Variants in SCD5 observed in about 807,000 individuals in gnomAD.
SCD5 encodes acyl-CoA-desaturase 4.
SCD5 carries 20 observed loss-of-function variants against 30.4 expected under a neutral mutation model. That is an observed-to-expected ratio of 0.66 (90% CI 0.46 to 0.96). The LOEUF is 0.96. Ranked by LOEUF, SCD5 falls within the 40% of genes least tolerant of loss-of-function variation. SCD5 has a pLI of 0.00. For synonymous variants in SCD5, 173 were observed against 176.4 expected (o/e 0.98, Z 0.16); for missense variants, 381 against 443.3 (o/e 0.86, Z 1.26).
At chr4:82,765,375 T>C (rs1477724406) in intron 1 of SCD5, among the ~76,000 whole-genome samples, 1 of 152,170 alleles carries the variant, frequency 6.6e-6, no homozygotes, top group Non-Finnish European at 1.5e-5. Context: ...CTTGTTTTTT[T>C]CCTCTGTCTA....
intron 3 of SCD5, 49 bp downstream of exon 3, chr4:82,680,658 T>G: frequency 6.4e-7 from 1 of 1,566,816 alleles, no homozygotes; most frequent in East Asian, 2.2e-5. Flanking sequence ...GTGCTGTTTC[T>G]ATGTCCTGGC....
At chr4:82,758,789 C>T (rs1721283980) in intron 1 of SCD5, among the ~76,000 whole-genome samples, 1 of 152,092 alleles carries the variant, frequency 6.6e-6, no homozygotes, top group South Asian at 2.1e-4. Context: ...CCGGCACCCG[C>T]GGAGCTCAGG....
At chr4:82,765,496 C>T (rs1487496543) in intron 1 of SCD5, among the ~76,000 whole-genome samples, 1 of 152,206 alleles carries the variant, frequency 6.6e-6, no homozygotes, top group African/African-American at 2.4e-5. Context: ...AACCTACATA[C>T]ATTCTGCCAT....
chr4:82,794,724 C>A (rs1171048496), intron 1 of SCD5, among the ~76,000 whole-genome samples: 7 of 151,690 alleles, frequency 4.6e-5, no homozygotes, highest in African/African-American at 7.3e-5. Context: ...ATCTCGGCTC[C>A]CTGCAAGCTC....
intron 2 of SCD5, among the ~76,000 whole-genome samples, chr4:82,694,520 A>C (rs1359399322): frequency 6.6e-6 from 1 of 152,164 alleles, no homozygotes; most frequent in African/African-American, 2.4e-5. Context: ...AGAGGCTTTG[A>C]AAATTTTATT....
At chr4:82,760,003 C>T (rs1248208985) in intron 1 of SCD5, among the ~76,000 whole-genome samples, 1 of 152,128 alleles carries the variant, frequency 6.6e-6, no homozygotes, top group Non-Finnish European at 1.5e-5. Flanking sequence ...ATCCATTCTA[C>T]CCATCACTTT....
intron 1 of SCD5, among the ~76,000 whole-genome samples, chr4:82,791,532 G>A (rs1722099080): frequency 6.6e-6 from 1 of 152,166 alleles, no homozygotes; most frequent in South Asian, 2.1e-4. Context: ...TGAACAGAGG[G>A]AATGAGCGAA....
chr4:82,744,616 G>A (rs533796579), intron 1 of SCD5, among the ~76,000 whole-genome samples: 9 of 152,212 alleles, frequency 5.9e-5, no homozygotes, highest in Non-Finnish European at 8.8e-5. Context: ...ACTTCATGCC[G>A]GGAAGTTGAA....
At chr4:82,683,253 T>C (rs778085322) in intron 2 of SCD5, among the ~76,000 whole-genome samples, 2 of 152,196 alleles carry the variant, frequency 1.3e-5, no homozygotes, top group Non-Finnish European at 2.9e-5. Flanking sequence ...AGTGAAAACA[T>C]TTTATTATTT....
chr4:82,705,761 G>C (rs900405510), intron 1 of SCD5, among the ~76,000 whole-genome samples: 2 of 152,236 alleles, frequency 1.3e-5, no homozygotes, highest in Admixed American at 6.5e-5. Flanking sequence ...GCAGGGCAGA[G>C]ATTGAGCTCT....
At chr4:82,659,933 C>T (rs1285566424) in intron 3 of SCD5, 3 of 150,998 alleles carry the variant, frequency 2.0e-5, no homozygotes, top group Admixed American at 2.0e-4. Flanking sequence ...ACCCACCTCA[C>T]GTGCAAAGAC....
At chr4:82,771,385 G>T (rs1375367957) in intron 1 of SCD5, among the ~76,000 whole-genome samples, 1 of 152,176 alleles carries the variant, frequency 6.6e-6, no homozygotes, top group South Asian at 2.1e-4. Flanking sequence ...CTCAGGCTCT[G>T]ATTCTGAGGG....
chr4:82,631,451 T>A lies in SCD5; in HGVS notation c.869A>T (p.Asn290Ile). 6.2e-7 allele frequency: 1 copy of A among 1,614,154 alleles called. No individual in the cohort carries two copies. The highest frequency in any genetic ancestry group is 8.5e-7 in the Non-Finnish European group (1 of 1,180,010). ...FDYSASEFGL[N>I]FNPTTWFIDF... ...AATGAACCAGGTGGTTGGGTTAAAATTTAAGCCAAATTCACTCGCAGAGTA... is the reference window on the plus strand; with the variant it reads ...AATGAACCAGGTGGTTGGGTTAAAAATTAAGCCAAATTCACTCGCAGAGTA... Residue 290 changes from asparagine (N) to isoleucine (I), a missense_variant, in exon 5 of 5, where the codon AAT (asparagine) becomes ATT (isoleucine). Asn to Ile is a moderately radical substitution (Grantham distance 149). Transcript: ENST00000319540.
intron 1 of SCD5, among the ~76,000 whole-genome samples, chr4:82,759,397 C>T (rs1393583202): frequency 6.6e-6 from 1 of 152,196 alleles, no homozygotes; most frequent in African/African-American, 2.4e-5. Flanking sequence ...AAGCGGCCCT[C>T]CGTAACAACA....
At chr4:82,758,740 C>T (rs562051274) in intron 1 of SCD5, among the ~76,000 whole-genome samples, 2 of 152,074 alleles carry the variant, frequency 1.3e-5, no homozygotes, top group African/African-American at 2.4e-5. Flanking sequence ...CCTTCCTTAC[C>T]GGGTCCCATC....
At chr4:82,735,570 C>T (rs751492032) in intron 1 of SCD5, among the ~76,000 whole-genome samples, 1 of 152,228 alleles carries the variant, frequency 6.6e-6, no homozygotes. Flanking sequence ...CCGCCACATT[C>T]GTTACTGCTC....
At chr4:82,743,354 T>TA (rs926938691) in intron 1 of SCD5, among the ~76,000 whole-genome samples, 1 of 151,620 alleles carries the variant, frequency 6.6e-6, no homozygotes, top group African/African-American at 2.4e-5. Flanking sequence ...CTACAAAAAA[T>TA]AAAAAACAAA....
intron 1 of SCD5, among the ~76,000 whole-genome samples, chr4:82,712,279 T>TATACATATATATATATATATAC (rs1720119385): frequency 2.0e-5 from 1 of 50,540 alleles, no homozygotes; most frequent in Non-Finnish European, 3.5e-5. Context: ...TATATATATA[T>TATACATATATATATATATATAC]ATATATATAT....
At chr4:82,652,585 G>A (rs1228508493) in intron 3 of SCD5, among the ~76,000 whole-genome samples, 2 of 152,050 alleles carry the variant, frequency 1.3e-5, no homozygotes, top group East Asian at 3.9e-4. Context: ...TAAGGAAGAG[G>A]AATTTCATAT....
Sources: gnomAD v4.1 joint callset for allele counts (sites outside exome capture counted in the v4.1 genomes callset) on GRCh38, gnomAD v4.1.1 for gene constraint, MANE v1.5 for transcripts, NCBI Gene and HGNC (gene_info 2026-07-23, HGNC 2026-07-21) for gene names.